Variants in SV2C observed in about 807,000 individuals in gnomAD.
The protein encoded by SV2C is solute carrier family 22 member B3.
Under a neutral mutation model 79.7 loss-of-function variants are expected in SV2C, and 49 were observed. That is an observed-to-expected ratio of 0.61 (90% CI 0.49 to 0.78). The LOEUF is 0.78. Among genes scored for constraint, SV2C ranks in the 30% least tolerant of loss-of-function variants. The pLI is 0.00. For synonymous variants in SV2C, 334 were observed against 333.2 expected (o/e 1.00, Z -0.03); for missense variants, 833 against 912.9 (o/e 0.91, Z 1.13).
At chr5:75,996,970 C>G in the SV2C span, among the ~76,000 whole-genome samples, 2 of 141,884 alleles carry the variant, frequency 1.4e-5, no homozygotes, top group Non-Finnish European at 3.1e-5. Context: ...ATTGAATACC[C>G]TTTATTTCCT....
the SV2C span, among the ~76,000 whole-genome samples, chr5:75,883,509 T>TA: frequency 4.1e-5 from 6 of 145,136 alleles, no homozygotes; most frequent in Non-Finnish European, 7.4e-5. Context: ...TATGCAGCCA[T>TA]AAAAATGATG....
At chr5:76,307,662 T>TTTG (rs1349697393) in intron 12 of SV2C, among the ~76,000 whole-genome samples, 2 of 152,166 alleles carry the variant, frequency 1.3e-5, no homozygotes, top group Non-Finnish European at 2.9e-5. Context: ...TATTAGATCT[T>TTTG]TTGTTATAGT....
chr5:75,951,248 T>C, the SV2C span, among the ~76,000 whole-genome samples: 1 of 152,026 alleles, frequency 6.6e-6, no homozygotes, highest in Non-Finnish European at 1.5e-5. Context: ...ACCAAATGGA[T>C]CTGGCCTTAT....
At chr5:76,177,487 CTA>C (rs1743574615) in intron 2 of SV2C, among the ~76,000 whole-genome samples, 1 of 151,670 alleles carries the variant, frequency 6.6e-6, no homozygotes, top group Admixed American at 6.6e-5. Flanking sequence ...AAATAATAAA[CTA>C]GAATAATTAT....
the SV2C span, among the ~76,000 whole-genome samples, chr5:75,922,561 G>A: frequency 7.2e-5 from 11 of 152,240 alleles, no homozygotes; most frequent in Admixed American, 2.6e-4. Context: ...AGTTATGGCA[G>A]AGACTGCACT....
At chr5:76,278,231 G>A (rs1747081633) in intron 4 of SV2C, among the ~76,000 whole-genome samples, 1 of 151,800 alleles carries the variant, frequency 6.6e-6, no homozygotes. Context: ...ACTAGCACTT[G>A]CTTAGGAGGT....
At chr5:76,254,214 A>ATG (rs984081737) in intron 4 of SV2C, among the ~76,000 whole-genome samples, 38 of 144,374 alleles carry the variant, frequency 2.6e-4, no homozygotes, top group African/African-American at 9.6e-4. Flanking sequence ...GTGTATATAT[A>ATG]TGTGTGTGTA....
At chr5:76,349,859 C>A (rs1251051683) in intron 12 of SV2C, among the ~76,000 whole-genome samples, 1 of 152,082 alleles carries the variant, frequency 6.6e-6, no homozygotes, top group Non-Finnish European at 1.5e-5. Flanking sequence ...CTTTTAAAAT[C>A]CTCACACAGT....
chr5:76,211,984 G>C (rs1744781058), intron 4 of SV2C, among the ~76,000 whole-genome samples: 1 of 152,084 alleles, frequency 6.6e-6, no homozygotes, highest in South Asian at 2.1e-4. Flanking sequence ...TCAAGTGGTG[G>C]GTTTTTCATT....
intron 2 of SV2C, among the ~76,000 whole-genome samples, chr5:76,151,296 A>T (rs1263125205): frequency 6.6e-6 from 1 of 152,244 alleles, no homozygotes; most frequent in Non-Finnish European, 1.5e-5. Context: ...GTCGAAGTGT[A>T]GCATGCTTAC....
Position 76,084,163 on chromosome 5 carries a change from T to C in SV2C, c.-102+651T>C, listed in dbSNP as rs532074660. The C allele has an allele frequency of 3.3e-5, 5 of 152,434 alleles. No individual in the cohort carries two copies. The South Asian group carries it at 1.0e-3, about 32-fold the overall frequency. The allele number at this position is 152,434 out of a possible 1,614,324, so 9.4% of individuals were successfully genotyped here. A position where few individuals can be genotyped will look rare whatever the true frequency, so the allele number is the denominator to read the frequency against. ...GCAGGGGAGCCCGCGGGGCTGAGGC[T>C]CTTTGTCAGCGCCTGCACTTCCTAC... On this transcript the variant is annotated intron_variant, in intron 1 of 12. Transcript: ENST00000502798.
chr5:76,092,432 G>A (rs952869333), intron 1 of SV2C, among the ~76,000 whole-genome samples: 4 of 152,136 alleles, frequency 2.6e-5, no homozygotes, highest in Non-Finnish European at 4.4e-5. Flanking sequence ...TTGTGAGAAC[G>A]TAAATTGCTT....
intron 1 of SV2C, among the ~76,000 whole-genome samples, chr5:76,101,395 T>C (rs1747737965): frequency 6.6e-6 from 1 of 152,208 alleles, no homozygotes; most frequent in Non-Finnish European, 1.5e-5. Context: ...CATTACTTTG[T>C]AGAGATGAAA....
At chr5:76,168,089 A>T (rs1743097497) in intron 2 of SV2C, among the ~76,000 whole-genome samples, 3 of 152,108 alleles carry the variant, frequency 2.0e-5, no homozygotes, top group Admixed American at 2.0e-4. Flanking sequence ...ACAAGTCTCC[A>T]ATCACCCTCA....
At chr5:76,301,612 A>T (rs1054193408) in intron 12 of SV2C, 67 bp downstream of exon 12, 1 of 1,545,400 alleles carries the variant, frequency 6.5e-7, no homozygotes, top group Non-Finnish European at 8.8e-7. Flanking sequence ...AAATTATTTT[A>T]AAACAACCCA....
At chr5:76,061,268 TAAAAAAAA>T in the SV2C span, among the ~76,000 whole-genome samples, 1 of 51,610 alleles carries the variant, frequency 1.9e-5, no homozygotes, top group African/African-American at 8.8e-5. Context: ...CTTCAATTTG[TAAAAAAAA>T]AAAAAAAAAA....
Position 76,209,755 on chromosome 5 carries a change from A to G in SV2C, c.781A>G (p.Thr261Ala). The G allele has an allele frequency of 6.2e-7, 1 of 1,614,138 alleles. No homozygotes were observed. Among genetic ancestry groups the G allele is most frequent in the Non-Finnish European group, 8.5e-7 (1 of 1,180,006 alleles). The change falls in exon 4 of 13, where the codon ACT becomes GCT. Residue 261 changes from threonine to alanine, a missense_variant. Coordinates refer to ENST00000502798, the MANE Select transcript of SV2C (RefSeq NM_014979.4). ...TGGCAGGATTGGAGGAGCCATACCCACTGTGTTCTCGTACTTTGCTGAAGT... is the reference window on the plus strand; with the variant it reads ...TGGCAGGATTGGAGGAGCCATACCCGCTGTGTTCTCGTACTTTGCTGAAGT... Reference protein sequence around the residue: ...SGFGIGGAIPTVFSYFAEVLA... With the variant: ...SGFGIGGAIPAVFSYFAEVLA...
chr5:75,959,090 T>G, the SV2C span, among the ~76,000 whole-genome samples: 2 of 151,974 alleles, frequency 1.3e-5, no homozygotes, highest in African/African-American at 4.8e-5. Flanking sequence ...TATTTTTCAT[T>G]TTTTATTAAG....
intron 4 of SV2C, among the ~76,000 whole-genome samples, chr5:76,284,923 A>G (rs1747302733): frequency 6.6e-6 from 1 of 152,208 alleles, no homozygotes; most frequent in Non-Finnish European, 1.5e-5. Context: ...TGGTACATGC[A>G]TACCTGCACC....
Sources: allele counts gnomAD v4.1 joint callset (sites outside exome capture counted in the v4.1 genomes callset), GRCh38; gene constraint gnomAD v4.1.1; transcripts MANE v1.5; gene names NCBI Gene and HGNC (gene_info 2026-07-23, HGNC 2026-07-21).